The following CHIC2 variants were observed in gnomAD, a reference collection of about 807,000 sequenced individuals.
The protein encoded by CHIC2 is cysteine rich hydrophobic domain 2.
CHIC2 carries 14 observed loss-of-function variants against 25.9 expected under a neutral mutation model. That is an observed-to-expected ratio of 0.54 (90% CI 0.36 to 0.85). CHIC2 has a LOEUF of 0.85. CHIC2 is among the 40% of genes least tolerant of loss of function. The pLI is 0.01. For synonymous variants in CHIC2, 70 were observed against 72.0 expected (o/e 0.97, Z 0.14); for missense variants, 146 against 202.0 (o/e 0.72, Z 1.68).
At chr4:54,086,940 G>A in the CHIC2 span, 3 of 679,748 alleles carry the variant, frequency 4.4e-6, no homozygotes, top group Non-Finnish European at 8.0e-6. Context: ...GTTCCAGAAA[G>A]CCGGGTTCTC....
chr4:54,016,066 AGATT>A (rs1211854214), intron 3 of CHIC2, among the ~76,000 whole-genome samples: 2 of 152,198 alleles, frequency 1.3e-5, no homozygotes, highest in African/African-American at 2.4e-5. Context: ...TTTTAATAAT[AGATT>A]AAGATTACTA....
intron 3 of CHIC2, among the ~76,000 whole-genome samples, chr4:54,045,098 GGAA>G (rs1276059984): frequency 6.6e-6 from 1 of 152,160 alleles, no homozygotes; most frequent in African/African-American, 2.4e-5. Flanking sequence ...GACTAAACCA[GGAA>G]GAAGTTGAAT....
At chr4:54,083,716 G>T in the CHIC2 span, among the ~76,000 whole-genome samples, 1 of 152,086 alleles carries the variant, frequency 6.6e-6, no homozygotes, top group Non-Finnish European at 1.5e-5. Flanking sequence ...TTTCAAGTCT[G>T]GACTTTGGTA....
At chr4:54,022,699 G>C (rs182696438) in intron 3 of CHIC2, among the ~76,000 whole-genome samples, 1 of 151,872 alleles carries the variant, frequency 6.6e-6, no homozygotes, top group Non-Finnish European at 1.5e-5. Context: ...TAACGCACAG[G>C]TACGGGACAC....
intron 3 of CHIC2, among the ~76,000 whole-genome samples, chr4:54,045,143 T>C (rs1716742598): frequency 1.3e-5 from 2 of 152,266 alleles, no homozygotes; most frequent in South Asian, 2.1e-4. Context: ...GCTCTGAAAT[T>C]GAGGCAATAA....
rs1715663868 is a variant in CHIC2, at chr4:54,013,891, G to A, written c.393C>T (p.Cys131=). Residue 131 remains cysteine (C), a synonymous_variant, in exon 5 of 6, where the codon TGC becomes TGT. Coordinates refer to ENST00000263921, the MANE Select transcript of CHIC2 (RefSeq NM_012110.4). ...TCCTTTTGCTCAGTCTCCAATGCAA[G>A]CACAGCTAGACAAGTAGGAAAGTAA... The part of the protein sequence containing the change: ...WENNRLYHKL[C]LHWRLSKRKC... 9 of 1,613,318 alleles carry A rather than the reference G, an allele frequency of 5.6e-6. No individual in the cohort carries two copies. Among genetic ancestry groups the A allele is most frequent in the Non-Finnish European group, 7.6e-6 (9 of 1,179,462 alleles).
Position 54,035,362 on chromosome 4 carries a change from G to A in CHIC2, c.330+13593C>T, listed in dbSNP as rs575629385. ...AAGAATACACCAGTAAAGGCATCTG[G>A]GCCTGGAATTTTCTTTGTTGGAAGT... On this transcript the variant is annotated intron_variant, in intron 3 of 5. Transcript: ENST00000263921. 9.2e-5 allele frequency among the ~76,000 whole-genome samples: 14 copies of A among 152,122 alleles called. No homozygotes were observed. In the South Asian group the frequency reaches 2.9e-3, roughly 32 times the overall value.
intron 3 of CHIC2, among the ~76,000 whole-genome samples, chr4:54,029,418 C>T (rs1041022896): frequency 2.0e-5 from 3 of 152,116 alleles, no homozygotes; most frequent in Non-Finnish European, 4.4e-5. Flanking sequence ...CCATTATTGA[C>T]CACATGAATA....
chr4:54,010,029 G>C lies in CHIC2; in HGVS notation c.*66C>G. 10 of 1,059,484 alleles carry C rather than the reference G, an allele frequency of 9.4e-6. No homozygotes were observed. The highest frequency in any genetic ancestry group is 1.4e-5 in the Non-Finnish European group (10 of 694,862). The allele number at this position is 1,059,484 out of a possible 1,614,324, so 65.6% of individuals were successfully genotyped here. ...AACCAATGTTATGTCACCACCAGGAGAGCACCAAGCAAGGCACCATTGGAA... is the reference window on the plus strand; with the variant it reads ...AACCAATGTTATGTCACCACCAGGACAGCACCAAGCAAGGCACCATTGGAA... On this transcript the variant is annotated 3_prime_UTR_variant, in exon 6 of 6. Coordinates refer to ENST00000263921, the MANE Select transcript of CHIC2 (RefSeq NM_012110.4).
At chr4:54,090,589 A>G in the CHIC2 span, among the ~76,000 whole-genome samples, 1 of 152,210 alleles carries the variant, frequency 6.6e-6, no homozygotes, top group South Asian at 2.1e-4. Context: ...ACGTCATCAC[A>G]CATCAACGTC....
At chr4:54,021,044 T>C (rs1715884819) in intron 3 of CHIC2, among the ~76,000 whole-genome samples, 1 of 152,054 alleles carries the variant, frequency 6.6e-6, no homozygotes, top group Non-Finnish European at 1.5e-5. Flanking sequence ...ACTTACCTTC[T>C]TCACTATGGG....
intron 1 of CHIC2, among the ~76,000 whole-genome samples, chr4:54,049,911 C>A (rs1159228082): frequency 6.6e-6 from 1 of 152,136 alleles, no homozygotes; most frequent in Admixed American, 6.5e-5. Context: ...ATACCTATAT[C>A]TATTCCTATT....
chr4:54,031,318 G>A (rs1308765968), intron 3 of CHIC2, among the ~76,000 whole-genome samples: 3 of 151,890 alleles, frequency 2.0e-5, no homozygotes, highest in African/African-American at 7.3e-5. Flanking sequence ...TATTCTAAAA[G>A]GCAAGATGCT....
chr4:54,047,896 A>G (rs1716885417), intron 3 of CHIC2, among the ~76,000 whole-genome samples: 2 of 151,980 alleles, frequency 1.3e-5, no homozygotes, highest in South Asian at 4.1e-4. Context: ...TATCATTTTT[A>G]TACATATAAA....
At chr4:54,084,959 CAAAAAAA>C in the CHIC2 span, among the ~76,000 whole-genome samples, 2 of 58,922 alleles carry the variant, frequency 3.4e-5, no homozygotes, top group African/African-American at 7.1e-5. Context: ...TGCTCTGTCT[CAAAAAAA>C]AAAAAAAAAA....
chr4:54,085,493 T>C, the CHIC2 span, among the ~76,000 whole-genome samples: 4 of 152,296 alleles, frequency 2.6e-5, no homozygotes, highest in African/African-American at 9.6e-5. Flanking sequence ...AGTAATACAA[T>C]GACTAAGACA....
chr4:54,073,508 A>G, the CHIC2 span, among the ~76,000 whole-genome samples: 1 of 152,194 alleles, frequency 6.6e-6, no homozygotes, highest in Admixed American at 6.5e-5. Context: ...ACTCAAACAG[A>G]CCTATGGAGA....
intron 3 of CHIC2, among the ~76,000 whole-genome samples, chr4:54,023,918 T>C (rs1253104419): frequency 6.6e-6 from 1 of 152,170 alleles, no homozygotes; most frequent in Non-Finnish European, 1.5e-5. Context: ...TAATAAAAAC[T>C]CTTCTCAAGG....
At chr4:54,040,443 T>C (rs1371784584) in intron 3 of CHIC2, among the ~76,000 whole-genome samples, 1 of 150,560 alleles carries the variant, frequency 6.6e-6, no homozygotes, top group African/African-American at 2.5e-5. Flanking sequence ...GGCTCACACC[T>C]GAATCTCAGC....
Sources: gnomAD v4.1 joint callset for allele counts (sites outside exome capture counted in the v4.1 genomes callset) on GRCh38, gnomAD v4.1.1 for gene constraint, MANE v1.5 for transcripts, NCBI Gene and HGNC (gene_info 2026-07-23, HGNC 2026-07-21) for gene names.